PDE4D: variants seen among roughly 807,000 people sequenced by gnomAD.
PDE4D encodes phosphodiesterase 4D, also known as 3',5'-cyclic-AMP phosphodiesterase 4D.
In PDE4D, 24 loss-of-function variants were observed where a neutral mutation model predicts 87.4. The ratio of observed to expected loss-of-function variants is 0.27; its 90% CI spans 0.20 to 0.39. PDE4D has a LOEUF of 0.39. PDE4D is among the 10% of genes least tolerant of loss of function. The probability of loss-of-function intolerance (pLI) is 1.00; values close to 1 mark genes in which losing one functional copy is unlikely to be tolerated. For missense variants in PDE4D, 714 were observed against 1,041.0 expected (o/e 0.69, Z 4.32); for synonymous variants, 384 against 383.2 (o/e 1.00, Z -0.02).
At chr5:60,374,923 T>C (rs1761319274) in intron 1 of PDE4D, among the ~76,000 whole-genome samples, 1 of 152,198 alleles carries the variant, frequency 6.6e-6, no homozygotes, top group African/African-American at 2.4e-5. Context: ...TTAGGGAATT[T>C]TACAGTGCAA....
At chr5:59,390,252 C>T (rs928636038) in intron 1 of PDE4D, among the ~76,000 whole-genome samples, 3 of 152,028 alleles carry the variant, frequency 2.0e-5, no homozygotes, top group Non-Finnish European at 2.9e-5. Flanking sequence ...CACAAGATGG[C>T]GCTCTCTAAT....
intron 1 of PDE4D, among the ~76,000 whole-genome samples, chr5:59,682,706 T>C (rs1337373782): frequency 1.3e-5 from 2 of 152,152 alleles, no homozygotes; most frequent in African/African-American, 4.8e-5. Context: ...GCTAGAAAGC[T>C]GATCCTCACC....
At chr5:59,614,042 C>T (rs295972) in intron 1 of PDE4D, among the ~76,000 whole-genome samples, 135,094 of 152,174 alleles carry the variant, frequency 0.89, 59,986 homozygotes, top group South Asian at 0.93. Flanking sequence ...TTACAGTTTA[C>T]ACATTAAGGG....
intron 1 of PDE4D, among the ~76,000 whole-genome samples, chr5:59,890,393 C>T (rs1447047532): frequency 6.6e-6 from 1 of 152,054 alleles, no homozygotes; most frequent in Non-Finnish European, 1.5e-5. Context: ...TATTTATATG[C>T]ATTTTACAAA....
intron 1 of PDE4D, among the ~76,000 whole-genome samples, chr5:60,337,164 CA>C (rs10525960): frequency 0.14 from 15,116 of 106,304 alleles, 948 homozygotes; most frequent in African/African-American, 0.18. Flanking sequence ...ACTGAAAATA[CA>C]AAAAAAAAAA....
At chr5:60,062,206 T>C (rs1771484578) in intron 2 of PDE4D, among the ~76,000 whole-genome samples, 1 of 151,816 alleles carries the variant, frequency 6.6e-6, no homozygotes, top group South Asian at 2.1e-4. Context: ...AACTTAACCA[T>C]ATTTACAAGA....
intron 2 of PDE4D, among the ~76,000 whole-genome samples, chr5:60,131,569 C>A (rs1256375401): frequency 6.6e-6 from 1 of 152,160 alleles, no homozygotes; most frequent in Non-Finnish European, 1.5e-5. Context: ...GTGACAATCC[C>A]AAACTAGTCT....
At chr5:60,452,999 C>A (rs921516813) in intron 1 of PDE4D, among the ~76,000 whole-genome samples, 12 of 151,960 alleles carry the variant, frequency 7.9e-5, no homozygotes, top group Non-Finnish European at 1.2e-4. Context: ...TGTACATGTG[C>A]ATTGGTCAAA....
intron 1 of PDE4D, among the ~76,000 whole-genome samples, chr5:59,326,441 C>T (rs976086494): frequency 1.3e-5 from 2 of 151,860 alleles, no homozygotes; most frequent in Admixed American, 6.6e-5. Flanking sequence ...GTAGCCCCCC[C>T]CAAGACACAT....
intron 1 of PDE4D, among the ~76,000 whole-genome samples, chr5:59,558,029 G>C (rs150139639): frequency 6.6e-6 from 1 of 152,152 alleles, no homozygotes; most frequent in Non-Finnish European, 1.5e-5. Context: ...TACAGGAACC[G>C]TAAGGTTTAA....
At chr5:60,063,133 AGAAAG>A (rs1315098695) in intron 2 of PDE4D, among the ~76,000 whole-genome samples, 1 of 150,534 alleles carries the variant, frequency 6.6e-6, no homozygotes, top group Non-Finnish European at 1.5e-5. Flanking sequence ...AAAGAAAGAA[AGAAAG>A]AAAGAAAGAA....
intron 1 of PDE4D, among the ~76,000 whole-genome samples, chr5:60,507,787 G>A (rs1750389276): frequency 6.6e-6 from 1 of 152,140 alleles, no homozygotes; most frequent in Non-Finnish European, 1.5e-5. Context: ...TTGGAATCAT[G>A]AACTCCTTTG....
chr5:59,371,093 G>C (rs1334022628), intron 1 of PDE4D, among the ~76,000 whole-genome samples: 1 of 152,074 alleles, frequency 6.6e-6, no homozygotes, highest in Non-Finnish European at 1.5e-5. Context: ...TTTTATATGG[G>C]GCCCAAGACA....
intron 2 of PDE4D, among the ~76,000 whole-genome samples, chr5:59,213,529 C>T (rs767637390): frequency 7.2e-5 from 11 of 152,076 alleles, no homozygotes; most frequent in Non-Finnish European, 1.2e-4. Flanking sequence ...CTCTTTCTAT[C>T]TCCTGGAGCC....
chr5:59,790,628 C>T (rs551524089), intron 1 of PDE4D, among the ~76,000 whole-genome samples: 2 of 152,278 alleles, frequency 1.3e-5, no homozygotes, highest in African/African-American at 4.8e-5. Flanking sequence ...CGTTACTTCT[C>T]ATTTTCTTTC....
intron 2 of PDE4D, chr5:60,127,636 A>G: frequency 3.4e-6 from 2 of 579,786 alleles, no homozygotes; most frequent in South Asian, 4.3e-5. Flanking sequence ...GTTGATATTC[A>G]TAGTTTTAAG....
chr5:59,287,230 T>A (rs527589671), intron 1 of PDE4D, among the ~76,000 whole-genome samples: 2 of 152,072 alleles, frequency 1.3e-5, no homozygotes, highest in Admixed American at 6.6e-5. Context: ...CACAAGCTGA[T>A]TGAAGAGCCC....
At chr5:59,904,393 C>T (rs559176782) in intron 3 of PDE4D, among the ~76,000 whole-genome samples, 29 of 152,260 alleles carry the variant, frequency 1.9e-4, no homozygotes, top group African/African-American at 6.3e-4. Context: ...GTTTCTCTCC[C>T]ACTTTGCTGG....
chr5:60,431,292 C>T lies in PDE4D; in HGVS notation c.-90+56650G>A, dbSNP rs1306493487. ...CTTCTCAGACGGGGCAGCTGCCGGG[C>T]GGAGGGGCTCCTCACTTCTCAGACG... On this transcript the variant is annotated intron_variant, in intron 1 of 16. Transcript: ENST00000502484. 6.4e-4 allele frequency among the ~76,000 whole-genome samples: 97 copies of T among 150,994 alleles called. 1 individual carries two copies. The highest frequency in any genetic ancestry group is 2.2e-3 in the African/African-American group (92 of 41,000).
Sources: allele counts gnomAD v4.1 joint callset (sites outside exome capture counted in the v4.1 genomes callset), GRCh38; gene constraint gnomAD v4.1.1; transcripts MANE v1.5; gene names NCBI Gene and HGNC (gene_info 2026-07-23, HGNC 2026-07-21).